The following DCC variants were observed in gnomAD, a reference collection of about 807,000 sequenced individuals.
DCC encodes DCC netrin 1 receptor, also known as netrin receptor DCC.
In DCC, 58 loss-of-function variants were observed where a neutral mutation model predicts 172.5. That is an observed-to-expected ratio of 0.34 (90% CI 0.27 to 0.42). The LOEUF (loss-of-function observed/expected upper bound fraction) is 0.42. DCC is among the 10% of genes least tolerant of loss of function. DCC has a pLI of 1.00. For synonymous variants in DCC, 709 were observed against 644.5 expected, an observed-to-expected ratio of 1.10 and a Z score of -1.52; for missense variants, 1,740 against 1,791.0, an observed-to-expected ratio of 0.97 and a Z score of 0.51.
intron 7 of DCC, among the ~76,000 whole-genome samples, chr18:53,144,581 C>T (rs2043878006): frequency 6.6e-6 from 1 of 152,134 alleles, no homozygotes; most frequent in African/African-American, 2.4e-5. Context: ...ATTCAATTAC[C>T]TCCCACCAGG....
intron 5 of DCC, among the ~76,000 whole-genome samples, chr18:53,018,611 T>C (rs2041839898): frequency 6.6e-6 from 1 of 152,176 alleles, no homozygotes; most frequent in African/African-American, 2.4e-5. Context: ...TTTTGTTTTC[T>C]GAAATTAAAA....
At chr18:52,761,908 C>CAAAAA (rs1222086354) in intron 2 of DCC, among the ~76,000 whole-genome samples, 2 of 48,420 alleles carry the variant, frequency 4.1e-5, no homozygotes, top group East Asian at 5.6e-4. Flanking sequence ...GACTCTGTCT[C>CAAAAA]AAAAAAAAAA....
chr18:52,592,740 T>C (rs1211423274), intron 1 of DCC, among the ~76,000 whole-genome samples: 3 of 152,218 alleles, frequency 2.0e-5, no homozygotes, highest in Non-Finnish European at 2.9e-5. Flanking sequence ...TTCAAGCTAT[T>C]CTCGTGCCTC....
At chr18:53,260,621 G>A (rs1007137953) in intron 12 of DCC, among the ~76,000 whole-genome samples, 1 of 152,162 alleles carries the variant, frequency 6.6e-6, no homozygotes, top group Admixed American at 6.5e-5. Flanking sequence ...CTACTGGGGG[G>A]TGCCTCCCAG....
intron 12 of DCC, among the ~76,000 whole-genome samples, chr18:53,254,046 A>C (rs1446286932): frequency 6.6e-6 from 1 of 152,058 alleles, no homozygotes; most frequent in East Asian, 1.9e-4. Flanking sequence ...AGTCAAAAAC[A>C]TCAGGAGAGT....
chr18:53,292,113 A>AC (rs34382170), intron 12 of DCC, among the ~76,000 whole-genome samples: 2,409 of 135,890 alleles, frequency 0.018, 34 homozygotes, highest in African/African-American at 0.043. Context: ...TTTGAGCTCC[A>AC]CCCCCCCCCC....
chr18:53,277,038 A>G (rs948480174), intron 12 of DCC, among the ~76,000 whole-genome samples: 1 of 152,192 alleles, frequency 6.6e-6, no homozygotes, highest in African/African-American at 2.4e-5. Context: ...AGATAGTCAG[A>G]TAAGAGAATT....
intron 27 of DCC, among the ~76,000 whole-genome samples, chr18:53,510,853 C>T (rs2144529615): frequency 6.6e-6 from 1 of 152,286 alleles, no homozygotes; most frequent in African/African-American, 2.4e-5. Flanking sequence ...ACTGCTGTCT[C>T]TTCTCCTTCT....
At chr18:53,487,828 G>T (rs1462309456) in intron 26 of DCC, among the ~76,000 whole-genome samples, 2 of 152,236 alleles carry the variant, frequency 1.3e-5, no homozygotes, top group East Asian at 1.9e-4. Context: ...CTACAGAATA[G>T]AGTTGTGTGC....
chr18:53,325,500 A>T (rs2057457654), intron 14 of DCC, among the ~76,000 whole-genome samples: 1 of 152,200 alleles, frequency 6.6e-6, no homozygotes, highest in Admixed American at 6.5e-5. Context: ...GTCACAACTT[A>T]AGTAGAACCA....
intron 2 of DCC, among the ~76,000 whole-genome samples, chr18:52,867,806 A>G (rs2039251749): frequency 6.6e-6 from 1 of 152,138 alleles, no homozygotes; most frequent in African/African-American, 2.4e-5. Flanking sequence ...ATCTACTGCA[A>G]TGTGGAGTAG....
intron 14 of DCC, among the ~76,000 whole-genome samples, chr18:53,328,436 G>GAT (rs1192807962): frequency 4.6e-5 from 7 of 152,162 alleles, no homozygotes; most frequent in African/African-American, 1.7e-4. Context: ...AATTAACTAT[G>GAT]ATAATGGCAA....
At chr18:52,393,218 C>G (rs1986096128) in intron 1 of DCC, among the ~76,000 whole-genome samples, 1 of 152,110 alleles carries the variant, frequency 6.6e-6, no homozygotes, top group South Asian at 2.1e-4. Context: ...GAATGACATG[C>G]CCATTCATAA....
intron 7 of DCC, among the ~76,000 whole-genome samples, chr18:53,112,397 TAC>T (rs1315494246): frequency 6.6e-6 from 1 of 151,534 alleles, no homozygotes; most frequent in Non-Finnish European, 1.5e-5. Flanking sequence ...GGTTCTATTG[TAC>T]AGTTGACACA....
chr18:52,367,387 C>G (rs1467190981), intron 1 of DCC, among the ~76,000 whole-genome samples: 1 of 152,184 alleles, frequency 6.6e-6, no homozygotes, highest in Non-Finnish European at 1.5e-5. Flanking sequence ...CCTCAAATGC[C>G]GCCAAAGTGG....
chr18:53,439,290 T>C (rs1471059840), intron 22 of DCC, among the ~76,000 whole-genome samples: 1 of 152,144 alleles, frequency 6.6e-6, no homozygotes, highest in Non-Finnish European at 1.5e-5. Context: ...AAAAGGGGGG[T>C]ATGTTTTCCA....
chr18:53,200,823 C>G (rs1050512936), intron 9 of DCC, among the ~76,000 whole-genome samples: 6 of 152,114 alleles, frequency 3.9e-5, no homozygotes, highest in Non-Finnish European at 4.4e-5. Flanking sequence ...TGCTAAGTAG[C>G]TCTCTCAGAT....
intron 1 of DCC, among the ~76,000 whole-genome samples, chr18:52,465,726 C>A (rs1479768146): frequency 6.6e-6 from 1 of 150,520 alleles, no homozygotes; most frequent in Admixed American, 7.0e-5. Context: ...GGAGTACACA[C>A]GTTCTCTAAC....
chr18:53,471,976 T>A (rs988366945), intron 25 of DCC, among the ~76,000 whole-genome samples: 3 of 152,094 alleles, frequency 2.0e-5, no homozygotes, highest in African/African-American at 7.2e-5. Flanking sequence ...TCATTTTGAG[T>A]CGCCAATACC....
Sources: allele counts gnomAD v4.1 joint callset (sites outside exome capture counted in the v4.1 genomes callset), GRCh38; gene constraint gnomAD v4.1.1; transcripts MANE v1.5; gene names NCBI Gene and HGNC (gene_info 2026-07-23, HGNC 2026-07-21).